LRRFIP2: variants seen among roughly 807,000 people sequenced by gnomAD.
LRRFIP2 encodes the protein LRR binding FLII interacting protein 2, also known as leucine-rich repeat flightless-interacting protein 2.
LRRFIP2 carries 109 observed loss-of-function variants against 125.9 expected under a neutral mutation model. That is an observed-to-expected ratio of 0.87 (90% CI 0.74 to 1.01). The LOEUF (loss-of-function observed/expected upper bound fraction) is 1.01. Ranked by LOEUF, LRRFIP2 falls within the 50% of genes least tolerant of loss-of-function variation. The pLI is 0.00. For synonymous variants in LRRFIP2, 291 were observed against 293.1 expected (o/e 0.99, Z 0.07); for missense variants, 850 against 862.3 (o/e 0.99, Z 0.18).
rs1428422446 is a variant in LRRFIP2 at position 37,148,903 on chromosome 3, A to T, written c.81T>A (p.Ile27=). ...FSAEDEALSN[I]AREAEARLAA... is the part of the protein sequence containing the mutation. ...GATTTACCAAACATACCTCTCTGGC[A>T]ATGTTACTCAAAGCTTCATCTTCTG... The change falls in exon 2 of 28, where the codon ATT becomes ATA. Residue 27 remains isoleucine (I), a synonymous_variant. Transcript: ENST00000336686. 1.2e-6 allele frequency: 2 copies of T among 1,613,950 alleles called. No individual in the cohort carries two copies. Among genetic ancestry groups the T allele is most frequent in the South Asian group, 2.2e-5 (2 of 91,074 alleles).
chr3:37,056,489 T>C (rs1164254365), intron 25 of LRRFIP2, among the ~76,000 whole-genome samples: 1 of 151,810 alleles, frequency 6.6e-6, no homozygotes, highest in Non-Finnish European at 1.5e-5. Flanking sequence ...AGTCTCGCTC[T>C]GTCGCCCAGG....
At chr3:37,167,653 CAAA>C (rs533367910) in intron 1 of LRRFIP2, among the ~76,000 whole-genome samples, 2 of 74,486 alleles carry the variant, frequency 2.7e-5, no homozygotes, top group Non-Finnish European at 2.7e-5. Flanking sequence ...CACTCTGTCT[CAAA>C]AAAAAAAAAA....
At chr3:37,058,358 G>A (rs562997689) in intron 25 of LRRFIP2, among the ~76,000 whole-genome samples, 45 of 152,232 alleles carry the variant, frequency 3.0e-4, no homozygotes, top group African/African-American at 1.1e-3. Context: ...ACCAATTTTT[G>A]CAGCATAGCT....
Position 37,072,774 on chromosome 3 carries a change from C to T in LRRFIP2, c.1464+16G>A. ...CATCAATGAGCTTCTAACCAAAGCC[C>T]AATTTCATTTCATACCCCAATTTTT... On this transcript the variant is annotated intron_variant, in intron 21 of 27. Transcript: ENST00000336686. 1 of 1,550,368 alleles carries T rather than the reference C, an allele frequency of 6.5e-7. No individual in the cohort carries two copies. The highest frequency in any genetic ancestry group is 8.9e-7 in the Non-Finnish European group (1 of 1,123,218).
rs545601367 is a variant in LRRFIP2 at position 37,142,979 on chromosome 3, G to A, written c.90+5915C>T. ...TGGGTCATCGGGGTGGATCCCTCAC[G>A]ACGTGGTGCTTTCAACACAACAGTA... On this transcript the variant is annotated intron_variant, in intron 2 of 27. Coordinates refer to ENST00000336686, the MANE Select transcript of LRRFIP2 (RefSeq NM_006309.4). 1.8e-4 allele frequency among the ~76,000 whole-genome samples: 27 copies of A among 152,242 alleles called. 1 individual carries two copies. In the South Asian group the frequency reaches 3.3e-3, roughly 19 times the overall value.
chr3:37,083,564 C>G, intron 19 of LRRFIP2, 72 bp downstream of exon 19: 1 of 1,144,866 alleles, frequency 8.7e-7, no homozygotes, highest in Admixed American at 2.9e-5. Context: ...AAGTATGCTG[C>G]AATCTTCCAT....
intron 18 of LRRFIP2, among the ~76,000 whole-genome samples, chr3:37,084,749 G>A (rs2092917705): frequency 6.6e-6 from 1 of 151,808 alleles, no homozygotes; most frequent in African/African-American, 2.4e-5. Context: ...CAAAATGCCT[G>A]GAACGTTACA....
chr3:37,107,492 AT>A (rs2094385841), intron 13 of LRRFIP2, among the ~76,000 whole-genome samples: 1 of 152,222 alleles, frequency 6.6e-6, no homozygotes, highest in Admixed American at 6.5e-5. Context: ...CTGAAAGGTT[AT>A]TGAAGAACAG....
intron 4 of LRRFIP2, among the ~76,000 whole-genome samples, chr3:37,127,334 G>A (rs1258586237): frequency 2.0e-5 from 3 of 151,974 alleles, no homozygotes; most frequent in Non-Finnish European, 4.4e-5. Context: ...AAAAAAAGGG[G>A]AGAGAGAAGG....
intron 1 of LRRFIP2, chr3:37,174,316 C>A (rs2096627078): frequency 6.6e-6 from 1 of 152,096 alleles, no homozygotes; most frequent in African/African-American, 2.4e-5. Flanking sequence ...TTTTTAAAGT[C>A]AAAAATGAGC....
At chr3:37,094,034 C>T (rs1465362149) in intron 17 of LRRFIP2, among the ~76,000 whole-genome samples, 1 of 152,146 alleles carries the variant, frequency 6.6e-6, no homozygotes, top group African/African-American at 2.4e-5. Context: ...CTTAACAGCC[C>T]CATTCTTGCT....
At chr3:37,143,335 T>C (rs566492921) in intron 2 of LRRFIP2, among the ~76,000 whole-genome samples, 2 of 152,354 alleles carry the variant, frequency 1.3e-5, no homozygotes, top group African/African-American at 4.8e-5. Flanking sequence ...GTCATGAAGA[T>C]GGTCTTCGTC....
chr3:37,151,081 T>A (rs757694996), intron 1 of LRRFIP2, among the ~76,000 whole-genome samples: 1 of 152,154 alleles, frequency 6.6e-6, no homozygotes, highest in Non-Finnish European at 1.5e-5. Flanking sequence ...AAACACCAGC[T>A]GGGCATGGTG....
At position 37,126,371 on chromosome 3, in the gene LRRFIP2, C is replaced by T. The variant is rs1234539344; in HGVS notation, c.228+1259G>A. 7.9e-5 allele frequency among the ~76,000 whole-genome samples: 12 copies of T among 152,004 alleles called. 1 individual carries two copies. Among genetic ancestry groups the T allele is most frequent in the Non-Finnish European group, 1.6e-4 (11 of 68,014 alleles). On this transcript the variant is annotated intron_variant, in intron 4 of 27. Transcript: ENST00000336686. ...AACAGGGTAAAAGCAAGTGTCAGAA[C>T]GGGTTAGAAGTGATAATTATTCCCA... is the stretch of plus-strand genomic sequence containing the variant.
intron 2 of LRRFIP2, among the ~76,000 whole-genome samples, chr3:37,130,522 C>G (rs2095400314): frequency 6.6e-6 from 1 of 152,094 alleles, no homozygotes; most frequent in African/African-American, 2.4e-5. Context: ...GTAGTTCCCC[C>G]CTTATCTGTT....
chr3:37,066,132 G>T, intron 22 of LRRFIP2, 92 bp downstream of exon 22: 5 of 1,354,390 alleles, frequency 3.7e-6, no homozygotes, highest in Middle Eastern at 1.8e-4. Flanking sequence ...ACTGTAGTTT[G>T]TATTTAGGCT....
chr3:37,157,471 G>C (rs1439676849), intron 1 of LRRFIP2, among the ~76,000 whole-genome samples: 1 of 151,778 alleles, frequency 6.6e-6, no homozygotes, highest in African/African-American at 2.4e-5. Context: ...AAAGATTATG[G>C]GCAGGCAGAA....
At chr3:37,146,606 G>T (rs906604568) in intron 2 of LRRFIP2, among the ~76,000 whole-genome samples, 4 of 152,122 alleles carry the variant, frequency 2.6e-5, no homozygotes, top group African/African-American at 7.2e-5. Context: ...GAGGATAATG[G>T]CTTCCAGCTC....
chr3:37,073,609 A>G (rs1354357711), intron 20 of LRRFIP2, among the ~76,000 whole-genome samples: 2 of 152,182 alleles, frequency 1.3e-5, no homozygotes, highest in Non-Finnish European at 2.9e-5. Flanking sequence ...CAGCATAACC[A>G]TAGATACTAA....
Sources: gnomAD v4.1 joint callset for allele counts (sites outside exome capture counted in the v4.1 genomes callset) on GRCh38, gnomAD v4.1.1 for gene constraint, MANE v1.5 for transcripts, NCBI Gene and HGNC (gene_info 2026-07-23, HGNC 2026-07-21) for gene names.